Variants in TSPEAR observed in about 807,000 individuals in gnomAD.
The protein encoded by TSPEAR is thrombospondin-type laminin G domain and EAR repeat-containing protein.
Under a neutral mutation model 71.6 loss-of-function variants are expected in TSPEAR, and 69 were observed. That is an observed-to-expected ratio of 0.96 (90% CI 0.79 to 1.18). TSPEAR has a LOEUF of 1.18. Ranked by LOEUF, TSPEAR falls within the 50% of genes most tolerant of loss-of-function variation. TSPEAR has a pLI of 0.00. For missense variants in TSPEAR, 971 were observed against 894.9 expected (o/e 1.09, Z -1.09); for synonymous variants, 402 against 387.2 (o/e 1.04, Z -0.45).
chr21:44,576,846 T>C (rs2146093101), intron 1 of TSPEAR, among the ~76,000 whole-genome samples: 1 of 152,310 alleles, frequency 6.6e-6, no homozygotes, highest in South Asian at 2.1e-4. Flanking sequence ...GCATGTTGTT[T>C]AAAGTGCACG....
chr21:44,627,341 G>A lies in TSPEAR; in HGVS notation c.83-59336C>T, dbSNP rs79806035. 3.9e-3 allele frequency: 6,332 copies of A among 1,613,260 alleles called. 237 individuals carry two copies. The African/African-American group carries it at 0.075, about 19-fold the overall frequency. On this transcript the variant is annotated intron_variant, in intron 1 of 11. Transcript: ENST00000323084. ...CCAGTGAGCCGTGTATCCAGCCCCT[G>A]CTGCCAGGTGACCTGTGAGCCCAGC...
chr21:44,691,408 G>T (rs933794951), intron 1 of TSPEAR, among the ~76,000 whole-genome samples: 2 of 151,978 alleles, frequency 1.3e-5, no homozygotes, highest in Admixed American at 1.3e-4. Context: ...GTCCCCATCC[G>T]TACACTAAGA....
intron 2 of TSPEAR, among the ~76,000 whole-genome samples, chr21:44,564,810 A>G (rs1003880029): frequency 1.3e-5 from 2 of 152,298 alleles, no homozygotes; most frequent in Admixed American, 6.5e-5. Flanking sequence ...GACTGTTCCC[A>G]CCTGATGACA....
At chr21:44,596,558 G>A (rs1347477065) in intron 1 of TSPEAR, among the ~76,000 whole-genome samples, 1 of 152,242 alleles carries the variant, frequency 6.6e-6, no homozygotes, top group African/African-American at 2.4e-5. Context: ...AAGGCATGAG[G>A]TTTTGAATTG....
chr21:44,640,715 G>T lies in TSPEAR; in HGVS notation c.82+70718C>A, dbSNP rs149883254. Among the ~76,000 whole-genome samples, 247 of 152,310 alleles carry T rather than the reference G, an allele frequency of 1.6e-3. 2 individuals are homozygous for T. Among genetic ancestry groups the T allele is most frequent in the South Asian group, 0.016 (78 of 4,826 alleles). ...GGTCAGTAAGGATTTTCTGGGAAAG[G>T]CAAGACAAAAAGATCAGGTTCTATT... On this transcript the variant is annotated intron_variant, in intron 1 of 11. Coordinates refer to ENST00000323084, the MANE Select transcript of TSPEAR (RefSeq NM_144991.3).
At chr21:44,671,737 AAGTG>A (rs1555945971) in intron 1 of TSPEAR, among the ~76,000 whole-genome samples, 2 of 152,130 alleles carry the variant, frequency 1.3e-5, no homozygotes, top group Admixed American at 6.5e-5. Context: ...AAATTGGAAG[AAGTG>A]ATTGTTATGT....
In TSPEAR at chr21:44,687,098, G is replaced by C. The variant is rs1555949020; in HGVS notation, c.82+24335C>G. ...CTGGAAACCAAGCCACAGGACGAAG[G>C]GCTGCGGGAAGAAGGAGGCTGAGCC... On this transcript the variant is annotated intron_variant, in intron 1 of 11. Transcript: ENST00000323084. This position sits in a 1 kb window ranked among gnomAD's most constrained non-coding sequence, Gnocchi z 4.4. 2.0e-5 allele frequency among the ~76,000 whole-genome samples: 3 copies of C among 152,214 alleles called. No individual in the cohort carries two copies. The highest frequency in any genetic ancestry group is 4.4e-5 in the Non-Finnish European group (3 of 68,038).
intron 1 of TSPEAR, among the ~76,000 whole-genome samples, chr21:44,643,319 C>A (rs1191522940): frequency 6.6e-6 from 1 of 152,138 alleles, no homozygotes. Flanking sequence ...TGAGTCAGTT[C>A]TGGAAACCTC....
At chr21:44,555,239 T>C (rs917009444) in intron 2 of TSPEAR, among the ~76,000 whole-genome samples, 2 of 152,076 alleles carry the variant, frequency 1.3e-5, no homozygotes, top group Admixed American at 6.5e-5. Context: ...ATGAGAACAT[T>C]TCTCAAAACG....
chr21:44,670,528 C>T (rs117778254), intron 1 of TSPEAR, among the ~76,000 whole-genome samples: 1 of 152,320 alleles, frequency 6.6e-6, no homozygotes, highest in Non-Finnish European at 1.5e-5. Context: ...CGGGAGCCCA[C>T]AGAGACTCCC....
intron 1 of TSPEAR, among the ~76,000 whole-genome samples, chr21:44,576,266 A>T (rs1978436946): frequency 6.8e-6 from 1 of 147,944 alleles, no homozygotes; most frequent in Non-Finnish European, 1.5e-5. Flanking sequence ...AAGGGAGTGC[A>T]TAACTCATGG....
chr21:44,501,222 G>A (rs2052023423), intron 11 of TSPEAR, among the ~76,000 whole-genome samples: 1 of 152,150 alleles, frequency 6.6e-6, no homozygotes, highest in African/African-American at 2.4e-5. Context: ...GGCTGAGGCG[G>A]GCAGATCACT....
intron 1 of TSPEAR, among the ~76,000 whole-genome samples, chr21:44,683,832 G>A (rs781951620): frequency 1.6e-4 from 24 of 152,240 alleles, no homozygotes; most frequent in Admixed American, 8.5e-4. Flanking sequence ...AATAATTAAA[G>A]GAAAACATTG....
Position 44,612,431 on chromosome 21 carries a change from T to C in TSPEAR, c.83-44426A>G, listed in dbSNP as rs1208449953. The C allele has an allele frequency of 6.2e-7, 1 of 1,610,196 alleles. No homozygotes were observed. The highest frequency in any genetic ancestry group is 1.4e-5 in the African/African-American group (1 of 73,402). Reference sequence around the variant, plus strand: ...TAGCTGCCAGCCGGCTTGCTGCACCTCCTCCCCCTGCCAACAGGCCTGCTG... The same window carrying C: ...TAGCTGCCAGCCGGCTTGCTGCACCCCCTCCCCCTGCCAACAGGCCTGCTG... On this transcript the variant is annotated intron_variant, in intron 1 of 11. Transcript: ENST00000323084. The surrounding 1 kb of genome is among the most constrained non-coding windows in gnomAD (Gnocchi z 4.1).
rs1352357249 is a variant in TSPEAR, at chr21:44,662,241, C to T, written c.82+49192G>A. ...TCAGGACCCAACTATATTCTATCTA[C>T]CAGAAGACTCACATTAAATATAAAA... On this transcript the variant is annotated intron_variant, in intron 1 of 11. Coordinates refer to ENST00000323084, the MANE Select transcript of TSPEAR (RefSeq NM_144991.3). 3.3e-5 allele frequency among the ~76,000 whole-genome samples: 5 copies of T among 152,056 alleles called. No homozygotes were observed. The East Asian group carries it at 9.6e-4, about 29-fold the overall frequency.
intron 1 of TSPEAR, among the ~76,000 whole-genome samples, chr21:44,663,203 A>G (rs1555944074): frequency 2.0e-5 from 3 of 152,034 alleles, no homozygotes; most frequent in African/African-American, 7.2e-5. Context: ...GCATCTAGCC[A>G]GACTGAGCGG....
intron 1 of TSPEAR, among the ~76,000 whole-genome samples, chr21:44,699,560 C>G (rs1987551129): frequency 6.6e-6 from 1 of 152,098 alleles, no homozygotes; most frequent in Non-Finnish European, 1.5e-5. Context: ...CTTCCCACAG[C>G]TGGCCAAGAA....
At chr21:44,599,891 G>A (rs1007822210) in intron 1 of TSPEAR, among the ~76,000 whole-genome samples, 14 of 152,192 alleles carry the variant, frequency 9.2e-5, no homozygotes, top group Non-Finnish European at 1.8e-4. Flanking sequence ...GGTGTTCTGG[G>A]TTAGACTTAC....
At chr21:44,650,412 T>TGTGACGACGGCGGCAGAGACTGGGGCCAC (rs1569240977) in intron 1 of TSPEAR, among the ~76,000 whole-genome samples, 5 of 14,720 alleles carry the variant, frequency 3.4e-4, no homozygotes, top group Non-Finnish European at 5.8e-4. Context: ...GAGAACGCCA[T>TGTGACGACGGCGGCAGAGACTGGGGCCAC]GTGACGACGG....
Sources: allele counts gnomAD v4.1 joint callset (sites outside exome capture counted in the v4.1 genomes callset), GRCh38; gene constraint gnomAD v4.1.1; non-coding constraint Gnocchi (gnomAD v3.1); transcripts MANE v1.5; gene names NCBI Gene and HGNC (gene_info 2026-07-23, HGNC 2026-07-21).